The following NAALADL2 variants were observed in gnomAD, a reference collection of about 807,000 sequenced individuals.
NAALADL2 encodes the protein N-acetylated alpha-linked acidic dipeptidase like 2.
A neutral mutation model predicts 87.2 loss-of-function variants in NAALADL2; 76 were observed. That is an observed-to-expected ratio of 0.87 (90% CI 0.72 to 1.05). NAALADL2 has a LOEUF of 1.05. Among genes scored for constraint, NAALADL2 ranks in the 50% least tolerant of loss-of-function variants. The pLI is 0.00. For synonymous variants in NAALADL2, 354 were observed against 331.0 expected, an observed-to-expected ratio of 1.07 and a Z score of -0.75; for missense variants, 1,089 against 945.8, an observed-to-expected ratio of 1.15 and a Z score of -1.99.
At chr3:175,643,227 T>TATGCATA (rs546085290) in intron 11 of NAALADL2, among the ~76,000 whole-genome samples, 172 of 152,310 alleles carry the variant, frequency 1.1e-3, no homozygotes, top group Non-Finnish European at 2.4e-3. Context: ...CATTATGCAT[T>TATGCATA]ATGCATAATG....
intron 1 of NAALADL2, among the ~76,000 whole-genome samples, chr3:174,444,660 CA>C (rs1395673635): frequency 1.3e-5 from 2 of 152,174 alleles, no homozygotes; most frequent in Non-Finnish European, 2.9e-5. Flanking sequence ...CTTATAACTA[CA>C]GTAACGTTCT....
At chr3:174,976,724 A>T (rs1744407783) in intron 1 of NAALADL2, among the ~76,000 whole-genome samples, 1 of 152,248 alleles carries the variant, frequency 6.6e-6, no homozygotes. Context: ...AGAATAGTCC[A>T]TAGTAAAGTA....
intron 2 of NAALADL2, among the ~76,000 whole-genome samples, chr3:174,706,583 G>T (rs1730089084): frequency 6.6e-6 from 1 of 152,122 alleles, no homozygotes; most frequent in Non-Finnish European, 1.5e-5. Context: ...CTATTCTGTA[G>T]GTTGCCTGTG....
At chr3:174,767,817 G>T (rs528655979) in intron 3 of NAALADL2, among the ~76,000 whole-genome samples, 3 of 152,290 alleles carry the variant, frequency 2.0e-5, no homozygotes, top group East Asian at 3.9e-4. Context: ...GTTTTCCTGT[G>T]AAGTTCCTCA....
At chr3:175,614,116 A>G (rs1261690299) in intron 10 of NAALADL2, among the ~76,000 whole-genome samples, 3 of 152,148 alleles carry the variant, frequency 2.0e-5, no homozygotes, top group African/African-American at 7.2e-5. Flanking sequence ...GCAGTGGCAC[A>G]ATCTCAGCTC....
chr3:175,598,012 C>T (rs1722467853), intron 10 of NAALADL2, among the ~76,000 whole-genome samples: 1 of 151,932 alleles, frequency 6.6e-6, no homozygotes, highest in Admixed American at 6.6e-5. Flanking sequence ...TATTTATATA[C>T]ATATAGATGT....
intron 9 of NAALADL2, among the ~76,000 whole-genome samples, chr3:175,553,555 A>G (rs2149495124): frequency 6.6e-6 from 1 of 151,876 alleles, no homozygotes; most frequent in Non-Finnish European, 1.5e-5. Flanking sequence ...TCTTAATTAC[A>G]TATTGCTTTG....
At chr3:175,518,828 G>C (rs1015739346) in intron 9 of NAALADL2, among the ~76,000 whole-genome samples, 1 of 152,182 alleles carries the variant, frequency 6.6e-6, no homozygotes, top group Non-Finnish European at 1.5e-5. Flanking sequence ...TGGGGATTAA[G>C]TTTCGTAGAT....
chr3:175,723,328 A>G (rs918268888), intron 11 of NAALADL2, among the ~76,000 whole-genome samples: 2 of 152,142 alleles, frequency 1.3e-5, no homozygotes, highest in African/African-American at 4.8e-5. Flanking sequence ...ATTTAAGAGA[A>G]TATTGTGACT....
chr3:175,278,264 G>A (rs1753856022), intron 4 of NAALADL2, among the ~76,000 whole-genome samples: 2 of 152,126 alleles, frequency 1.3e-5, no homozygotes, highest in Admixed American at 1.3e-4. Context: ...TTAGCACCAT[G>A]CAGTCCTTGA....
intron 5 of NAALADL2, among the ~76,000 whole-genome samples, chr3:175,423,050 TA>T (rs1305012772): frequency 4.3e-4 from 49 of 112,780 alleles, no homozygotes; most frequent in African/African-American, 1.3e-3. Flanking sequence ...TATATATATA[TA>T]TTTTTTTTTT....
intron 13 of NAALADL2, among the ~76,000 whole-genome samples, chr3:175,797,376 C>T (rs1311584747): frequency 6.6e-6 from 1 of 152,070 alleles, no homozygotes; most frequent in Non-Finnish European, 1.5e-5. Flanking sequence ...GATACATGTT[C>T]TGTGTATGCA....
At chr3:175,338,955 T>C (rs1762309984) in intron 5 of NAALADL2, among the ~76,000 whole-genome samples, 3 of 152,076 alleles carry the variant, frequency 2.0e-5, no homozygotes, top group African/African-American at 7.2e-5. Flanking sequence ...ACAGCATTGG[T>C]GTTGTACAGA....
intron 3 of NAALADL2, among the ~76,000 whole-genome samples, chr3:174,827,501 T>G (rs1033224667): frequency 2.0e-5 from 3 of 152,164 alleles, no homozygotes; most frequent in Non-Finnish European, 2.9e-5. Context: ...TCTCTGACCG[T>G]TTTTGGTGTC....
intron 2 of NAALADL2, among the ~76,000 whole-genome samples, chr3:175,207,581 A>C (rs547977960): frequency 3.3e-5 from 5 of 152,214 alleles, no homozygotes; most frequent in African/African-American, 1.2e-4. Context: ...TGTTACTAAG[A>C]GGCATCTTTT....
At chr3:175,064,990 C>T (rs982172974) in intron 1 of NAALADL2, among the ~76,000 whole-genome samples, 44 of 152,118 alleles carry the variant, frequency 2.9e-4, no homozygotes, top group African/African-American at 1.1e-3. Context: ...TTTAAAAATT[C>T]ATTTTCGACA....
At chr3:175,258,395 T>G (rs986547676) in intron 4 of NAALADL2, among the ~76,000 whole-genome samples, 3 of 151,564 alleles carry the variant, frequency 2.0e-5, no homozygotes, top group Non-Finnish European at 2.9e-5. Context: ...AGATCCCGTC[T>G]TGAATGTGTA....
chr3:175,438,568 T>A (rs572622994), intron 5 of NAALADL2, among the ~76,000 whole-genome samples: 8 of 152,236 alleles, frequency 5.3e-5, no homozygotes, highest in African/African-American at 1.9e-4. Context: ...TTTTAAAATC[T>A]CAGTTTTTTT....
intron 3 of NAALADL2, among the ~76,000 whole-genome samples, chr3:175,250,169 T>TA (rs746924726): frequency 0.017 from 2,169 of 124,678 alleles, 54 homozygotes; most frequent in African/African-American, 0.057. Flanking sequence ...AATTCGGTCT[T>TA]AAAAAAAAAA....
Sources: gnomAD v4.1 joint callset for allele counts (sites outside exome capture counted in the v4.1 genomes callset) on GRCh38, gnomAD v4.1.1 for gene constraint, MANE v1.5 for transcripts, NCBI Gene and HGNC (gene_info 2026-07-23, HGNC 2026-07-21) for gene names.